PRAG1: variants seen among roughly 807,000 people sequenced by gnomAD.
PRAG1 encodes the protein PEAK1 related, kinase-activating pseudokinase 1.
PRAG1 carries 110 observed loss-of-function variants against 95.6 expected under a neutral mutation model. The ratio of observed to expected loss-of-function variants is 1.15; its 90% CI spans 0.99 to 1.35. PRAG1 has a LOEUF of 1.35. PRAG1 is among the 40% of genes most tolerant of loss of function. The probability of loss-of-function intolerance (pLI) is 0.00; values close to 1 mark genes in which losing one functional copy is unlikely to be tolerated. For synonymous variants in PRAG1, 1,052 were observed against 819.4 expected (o/e 1.28, Z -4.85); for missense variants, 2,554 against 1,864.7 (o/e 1.37, Z -6.81).
intron 5 of PRAG1, among the ~76,000 whole-genome samples, chr8:8,320,430 C>A (rs1387054671): frequency 6.6e-6 from 1 of 152,144 alleles, no homozygotes; most frequent in African/African-American, 2.4e-5. Context: ...AATGGCAGTG[C>A]CAGCCACCTG....
In PRAG1 at chr8:8,327,841, C is replaced by A. The variant is rs771510170; in HGVS notation, c.2941G>T (p.Glu981Ter). The A allele has an allele frequency of 1.9e-6, 3 of 1,614,100 alleles. No homozygotes were observed. Among genetic ancestry groups the A allele is most frequent in the Non-Finnish European group, 2.5e-6 (3 of 1,180,048 alleles). The change falls in exon 5 of 6, where the codon GAG becomes TAG. Residue 981 changes from glutamate (E) to a stop codon, truncating the protein, a stop_gained. Coordinates refer to ENST00000615670, the MANE Select transcript of PRAG1 (RefSeq NM_001080826.3). LOFTEE classifies it high-confidence loss of function. ...CAGTTATTCTCATTGAAGTGGAGCT[C>A]CTTTTTCTGGCCGCCCATGAAGAGG... ...EDLFMGGQKKELHFNENNWSL... is the reference protein window; with the variant it reads ...EDLFMGGQKK
intron 3 of PRAG1, chr8:8,374,656 G>A: frequency 1.0e-6 from 1 of 985,334 alleles, no homozygotes; most frequent in Non-Finnish European, 1.2e-6. Context: ...CATCTTAGCT[G>A]CTGAATCTCT....
intron 3 of PRAG1, among the ~76,000 whole-genome samples, chr8:8,353,773 C>T (rs534143768): frequency 6.6e-6 from 1 of 152,012 alleles, no homozygotes; most frequent in African/African-American, 2.4e-5. Context: ...ATCCACTGCA[C>T]TCTAGCCTGA....
chr8:8,318,926 T>C lies in PRAG1; in HGVS notation c.3449A>G (p.Asn1150Ser). The part of the protein sequence containing the change: ...GIIHRDLCLE[N>S]LLLVHCTLQA... Reference sequence around the variant, plus strand: ...GAGGGTGCAGTGCACCAGCAGCAGGTTCTCCAGGCACAGGTCCCGGTGGAT... The same window carrying C: ...GAGGGTGCAGTGCACCAGCAGCAGGCTCTCCAGGCACAGGTCCCGGTGGAT... The change falls in exon 6 of 6, where the codon AAC becomes AGC. Residue 1150 changes from asparagine to serine, a missense_variant. Coordinates refer to ENST00000615670, the MANE Select transcript of PRAG1 (RefSeq NM_001080826.3). This position sits in a 1 kb window ranked among gnomAD's most constrained non-coding sequence, Gnocchi z 4.2. 4 of 1,610,010 alleles carry C rather than the reference T, an allele frequency of 2.5e-6. No homozygotes were observed. The highest frequency in any genetic ancestry group is 3.4e-6 in the Non-Finnish European group (4 of 1,178,638).
intron 5 of PRAG1, among the ~76,000 whole-genome samples, chr8:8,325,935 T>TAA (rs919584549): frequency 7.1e-6 from 1 of 140,886 alleles, no homozygotes; most frequent in African/African-American, 2.6e-5. Flanking sequence ...TAATAATAAT[T>TAA]AAAAAAAAAA....
chr8:8,348,429 T>C (rs1052071244), intron 3 of PRAG1, among the ~76,000 whole-genome samples: 2 of 152,240 alleles, frequency 1.3e-5, no homozygotes, highest in Admixed American at 1.3e-4. Context: ...ATATTCCCCA[T>C]AGTCTATTCA....
At chr8:8,373,695 T>C (rs2945850) in intron 3 of PRAG1, among the ~76,000 whole-genome samples, 29,637 of 152,016 alleles carry the variant, frequency 0.19, 3,416 homozygotes, top group Middle Eastern at 0.33. Flanking sequence ...TCAAGCAGTC[T>C]GCCTGCCTTG....
intron 3 of PRAG1, among the ~76,000 whole-genome samples, chr8:8,356,497 C>T (rs867471572): frequency 6.6e-6 from 1 of 152,124 alleles, no homozygotes; most frequent in African/African-American, 2.4e-5. Context: ...AGGCATGTGC[C>T]ACTGTGCCCA....
Position 8,358,265 on chromosome 8 carries a change from G to A in PRAG1, c.2162+17982C>T, listed in dbSNP as rs144911857. On this transcript the variant is annotated intron_variant, in intron 3 of 5. Coordinates refer to ENST00000615670, the MANE Select transcript of PRAG1 (RefSeq NM_001080826.3). ...GAAGCATGGGCAAGGCGTGTGGGAAGGGGCATGATGCTTCCATGCCCTCTC... is the reference window on the plus strand; with the variant it reads ...GAAGCATGGGCAAGGCGTGTGGGAAAGGGCATGATGCTTCCATGCCCTCTC... Among the ~76,000 whole-genome samples the A allele has an allele frequency of 3.0e-3, 451 of 152,284 alleles. 8 individuals carry two copies. Among genetic ancestry groups the A allele is most frequent in the Admixed American group, 0.026 (392 of 15,298 alleles).
intron 3 of PRAG1, among the ~76,000 whole-genome samples, chr8:8,366,075 A>G (rs1055666008): frequency 2.0e-5 from 3 of 152,218 alleles, no homozygotes; most frequent in African/African-American, 7.2e-5. Flanking sequence ...AGGTCTATAA[A>G]GGAAAATAAT....
At chr8:8,385,068 C>T (rs1204218940) in intron 1 of PRAG1, among the ~76,000 whole-genome samples, 2 of 152,148 alleles carry the variant, frequency 1.3e-5, no homozygotes, top group East Asian at 3.8e-4. Context: ...GCCCAAAATA[C>T]CCCCTCAGAC....
chr8:8,328,598 T>TCA, intron 4 of PRAG1, 137 bp from the exon 5 acceptor site: 1 of 959,792 alleles, frequency 1.0e-6, no homozygotes, highest in Non-Finnish European at 1.5e-6. Context: ...TCTATTTCTC[T>TCA]AATAGACAAT....
At position 8,381,793 on chromosome 8, in the gene PRAG1, T is replaced by G. The variant is rs754570026; in HGVS notation, c.-46A>C. ...GTTCATCTTGCGCCCGGCTCTCTGG[T>G]GCAGTTTTGTGGGATTCAGAGGTGG... On this transcript the variant is annotated 5_prime_UTR_variant, in exon 2 of 6. Coordinates refer to ENST00000615670, the MANE Select transcript of PRAG1 (RefSeq NM_001080826.3). 4.1e-6 allele frequency: 6 copies of G among 1,476,950 alleles called. No homozygotes were observed. Among genetic ancestry groups the G allele is most frequent in the Middle Eastern group, 4.2e-4 (2 of 4,814 alleles). The allele number at this position is 1,476,950 out of a possible 1,614,324, so 91.5% of individuals were successfully genotyped here.
intron 5 of PRAG1, among the ~76,000 whole-genome samples, chr8:8,323,667 G>A (rs960881418): frequency 4.6e-5 from 7 of 152,040 alleles, no homozygotes; most frequent in African/African-American, 1.7e-4. Context: ...GCCACCATGT[G>A]AAGAAGGACG....
intron 3 of PRAG1, among the ~76,000 whole-genome samples, chr8:8,372,702 G>A (rs958613346): frequency 1.3e-5 from 2 of 152,158 alleles, no homozygotes; most frequent in Non-Finnish European, 2.9e-5. Context: ...AGTTTACAGA[G>A]GACAATATCT....
At position 8,348,401 on chromosome 8, in the gene PRAG1, T is replaced by G. The variant is rs113267897; in HGVS notation, c.2163-8766A>C. ...AGAAACACACATCTCAAATTTTCTT[T>G]GACAATCTCAATTTCAAATATTCCC... On this transcript the variant is annotated intron_variant, in intron 3 of 5. Coordinates refer to ENST00000615670, the MANE Select transcript of PRAG1 (RefSeq NM_001080826.3). 8.0e-3 allele frequency among the ~76,000 whole-genome samples: 1,212 copies of G among 152,348 alleles called. 15 individuals are homozygous for G. Among genetic ancestry groups the G allele is most frequent in the African/African-American group, 0.028 (1,150 of 41,586 alleles).
chr8:8,329,308 G>A (rs750917760), intron 4 of PRAG1, among the ~76,000 whole-genome samples: 2 of 151,968 alleles, frequency 1.3e-5, no homozygotes, highest in African/African-American at 2.4e-5. Flanking sequence ...CAGGAGAATC[G>A]CTTGAGCCCG....
intron 3 of PRAG1, among the ~76,000 whole-genome samples, chr8:8,372,658 C>G (rs1800248374): frequency 6.6e-6 from 1 of 152,242 alleles, no homozygotes; most frequent in Non-Finnish European, 1.5e-5. Flanking sequence ...CTGCAGGGCA[C>G]TCCAGCAAGA....
At chr8:8,354,848 C>T (rs969123331) in intron 3 of PRAG1, among the ~76,000 whole-genome samples, 6 of 152,036 alleles carry the variant, frequency 3.9e-5, no homozygotes, top group African/African-American at 1.2e-4. Context: ...AATGTTTTTC[C>T]ATTAAGATCC....
Sources: allele counts gnomAD v4.1 joint callset (sites outside exome capture counted in the v4.1 genomes callset), GRCh38; gene constraint gnomAD v4.1.1; non-coding constraint Gnocchi (gnomAD v3.1); transcripts MANE v1.5; gene names NCBI Gene and HGNC (gene_info 2026-07-23, HGNC 2026-07-21).